STX6: variants seen among roughly 807,000 people sequenced by gnomAD.
The protein encoded by STX6 is syntaxin-6.
A neutral mutation model predicts 38.0 loss-of-function variants in STX6; 23 were observed. The ratio of observed to expected loss-of-function variants is 0.60; its 90% CI spans 0.43 to 0.86. The LOEUF is 0.86. Among genes scored for constraint, STX6 ranks in the 40% least tolerant of loss-of-function variants. The pLI, the probability that STX6 is intolerant of heterozygous loss-of-function variation, is 0.00. For synonymous variants in STX6, 123 were observed against 107.5 expected, an observed-to-expected ratio of 1.14 and a Z score of -0.89; for missense variants, 274 against 312.9, an observed-to-expected ratio of 0.88 and a Z score of 0.94.
chr1:180,995,743 T>C (rs1655889179), intron 3 of STX6, among the ~76,000 whole-genome samples: 1 of 152,218 alleles, frequency 6.6e-6, no homozygotes, highest in African/African-American at 2.4e-5. Flanking sequence ...TAGTGTTTTT[T>C]TAAAACAACA....
chr1:181,006,354 C>T (rs1033867784), intron 1 of STX6, among the ~76,000 whole-genome samples: 1 of 151,542 alleles, frequency 6.6e-6, no homozygotes, highest in Admixed American at 6.6e-5. Context: ...TGAGCCACCA[C>T]GCCCAGCCAC....
At chr1:181,010,635 T>C (rs1206866631) in intron 1 of STX6, among the ~76,000 whole-genome samples, 1 of 152,066 alleles carries the variant, frequency 6.6e-6, no homozygotes, top group Admixed American at 6.6e-5. Flanking sequence ...ATATGACTCT[T>C]TTTTTTCTTT....
At chr1:181,011,093 G>A (rs1321327862) in intron 1 of STX6, among the ~76,000 whole-genome samples, 1 of 152,260 alleles carries the variant, frequency 6.6e-6, no homozygotes, top group African/African-American at 2.4e-5. Flanking sequence ...GCACCCTACA[G>A]GCCTGACCAG....
chr1:180,989,669 GAATGC>G (rs1655695416), intron 5 of STX6, among the ~76,000 whole-genome samples: 1 of 152,068 alleles, frequency 6.6e-6, no homozygotes. Flanking sequence ...ACCCAGGCTA[GAATGC>G]AATGGCATGA....
chr1:180,998,420 T>C (rs904078739), intron 3 of STX6, among the ~76,000 whole-genome samples: 2 of 152,098 alleles, frequency 1.3e-5, no homozygotes, highest in Non-Finnish European at 2.9e-5. Context: ...TCTCACTCTG[T>C]CTCACAGGCT....
intron 7 of STX6, among the ~76,000 whole-genome samples, chr1:180,979,132 A>G (rs931566339): frequency 1.3e-5 from 2 of 152,242 alleles, no homozygotes; most frequent in African/African-American, 4.8e-5. Flanking sequence ...AATAGAGATC[A>G]AAAAGACTAC....
At chr1:181,011,890 C>G (rs2102329781) in intron 1 of STX6, among the ~76,000 whole-genome samples, 2 of 152,304 alleles carry the variant, frequency 1.3e-5, no homozygotes, top group Admixed American at 1.3e-4. Flanking sequence ...GTTGAGTGAG[C>G]AGATACAACT....
At chr1:181,018,410 A>G (rs539558790) in intron 1 of STX6, among the ~76,000 whole-genome samples, 12 of 148,562 alleles carry the variant, frequency 8.1e-5, no homozygotes, top group African/African-American at 2.5e-4. Context: ...AAAAAAAAAA[A>G]AAAAGAAAAG....
intron 3 of STX6, among the ~76,000 whole-genome samples, chr1:180,994,711 T>C (rs1179319964): frequency 1.3e-5 from 2 of 152,288 alleles, no homozygotes; most frequent in Non-Finnish European, 1.5e-5. Flanking sequence ...GGTTGATTAA[T>C]GGGTAAAAAA....
chr1:181,013,714 G>A (rs543089794), intron 1 of STX6, among the ~76,000 whole-genome samples: 1 of 152,306 alleles, frequency 6.6e-6, no homozygotes, highest in African/African-American at 2.4e-5. Flanking sequence ...ATGTCATGGA[G>A]TCTGTAGATC....
At chr1:181,008,435 T>G (rs1478895560) in intron 1 of STX6, among the ~76,000 whole-genome samples, 1 of 152,226 alleles carries the variant, frequency 6.6e-6, no homozygotes, top group Non-Finnish European at 1.5e-5. Flanking sequence ...AGTGAGCATT[T>G]CTTTTGAGCA....
chr1:180,998,475 G>A (rs1220738227), intron 3 of STX6, among the ~76,000 whole-genome samples: 4 of 151,930 alleles, frequency 2.6e-5, no homozygotes, highest in African/African-American at 4.8e-5. Context: ...CTCTGTCTCC[G>A]GTTCAAACAA....
intron 3 of STX6, among the ~76,000 whole-genome samples, chr1:180,997,557 A>T (rs897919752): frequency 6.6e-6 from 1 of 152,036 alleles, no homozygotes; most frequent in Non-Finnish European, 1.5e-5. Context: ...AAAACAGTTT[A>T]AAAAATTTAA....
chr1:180,982,998 C>T (rs371384350), intron 7 of STX6, among the ~76,000 whole-genome samples: 4 of 152,178 alleles, frequency 2.6e-5, no homozygotes, highest in East Asian at 1.9e-4. Flanking sequence ...AGGTCCATTG[C>T]GCCTTGGGGC....
chr1:181,017,382 G>A (rs1203112787), intron 1 of STX6, among the ~76,000 whole-genome samples: 1 of 152,114 alleles, frequency 6.6e-6, no homozygotes, highest in Non-Finnish European at 1.5e-5. Flanking sequence ...AACAGAGTGA[G>A]ACTCCGTCTC....
rs1374148407 is a variant in STX6 at position 181,022,771 on chromosome 1, G to C, written c.-98C>G. On this transcript the variant is annotated 5_prime_UTR_variant, in exon 1 of 8. Transcript: ENST00000258301. ...ACCCCGCCTGTTCCCGCAGCTGCCC[G>C]CGCCTTAGTCTGGGTGAAGCCGAGC... 2.3e-6 allele frequency: 3 copies of C among 1,303,394 alleles called. No individual in the cohort carries two copies. The highest frequency in any genetic ancestry group is 4.0e-5 in the Admixed American group (2 of 50,614). 80.7% of individuals were successfully genotyped at this position (1,303,394 alleles called of 1,614,324 possible).
chr1:181,015,432 A>G (rs952799857), intron 1 of STX6, among the ~76,000 whole-genome samples: 1 of 152,146 alleles, frequency 6.6e-6, no homozygotes, highest in African/African-American at 2.4e-5. Context: ...GACAAGAGTC[A>G]TTTTTGACTC....
chr1:181,005,571 A>G, intron 1 of STX6, 108 bp from the exon 2 acceptor site: 1 of 1,024,068 alleles, frequency 9.8e-7, no homozygotes, highest in Non-Finnish European at 1.4e-6. Flanking sequence ...CTCAGCAACC[A>G]CCATTCCCAC....
In STX6 at chr1:181,002,643, C is replaced by G; in HGVS notation, c.263G>C (p.Arg88Thr). 6.2e-7 allele frequency: 1 copy of G among 1,613,700 alleles called. No homozygotes were observed. Among genetic ancestry groups the G allele is most frequent in the South Asian group, 1.1e-5 (1 of 91,054 alleles). Reference sequence around the variant, plus strand: ...CCGAGTACTTGTAATGAAGGCTTTTCTTATACTCAATTCAGTTGCATCAAG... The same window carrying G: ...CCGAGTACTTGTAATGAAGGCTTTTGTTATACTCAATTCAGTTGCATCAAG... The part of the protein sequence containing the change: ...FNLDATELSI[R>T]KAFITSTRQV... The change falls in exon 3 of 8, where the codon AGA (arginine) becomes ACA (threonine). Residue 88 changes from arginine to threonine, a missense_variant. Physicochemically the swap from Arg to Thr is moderately conservative, Grantham distance 71 (BLOSUM62 -1). Coordinates refer to ENST00000258301, the MANE Select transcript of STX6 (RefSeq NM_005819.6).
Sources: allele counts gnomAD v4.1 joint callset (sites outside exome capture counted in the v4.1 genomes callset), GRCh38; gene constraint gnomAD v4.1.1; transcripts MANE v1.5; gene names NCBI Gene and HGNC (gene_info 2026-07-23, HGNC 2026-07-21).